The following MAST4 variants were observed in gnomAD, a reference collection of about 807,000 sequenced individuals.
MAST4 encodes the protein microtubule-associated serine/threonine-protein kinase 4.
In MAST4, 89 loss-of-function variants were observed where a neutral mutation model predicts 162.7. The ratio of observed to expected loss-of-function variants is 0.55; its 90% CI spans 0.46 to 0.65. The LOEUF (loss-of-function observed/expected upper bound fraction) is 0.65, where lower values mean the gene tolerates loss of function less well. MAST4 is among the 30% of genes least tolerant of loss of function. MAST4 has a pLI of 0.00. For missense variants in MAST4, 3,153 were observed against 3,374.0 expected (o/e 0.93, Z 1.62); for synonymous variants, 1,479 against 1,361.1 (o/e 1.09, Z -1.91).
chr5:66,691,465 C>T (rs1749034557), intron 1 of MAST4, among the ~76,000 whole-genome samples: 1 of 152,108 alleles, frequency 6.6e-6, no homozygotes, highest in Admixed American at 6.5e-5. Context: ...AAAACGGCTA[C>T]ATAAAAAATG....
intron 3 of MAST4, among the ~76,000 whole-genome samples, chr5:66,887,051 T>A (rs898841895): frequency 6.6e-6 from 1 of 152,056 alleles, no homozygotes; most frequent in Admixed American, 6.5e-5. Context: ...ATGCTTTTTT[T>A]AAAAACAAAA....
At chr5:66,870,065 T>C (rs763930787) in intron 3 of MAST4, among the ~76,000 whole-genome samples, 1 of 152,198 alleles carries the variant, frequency 6.6e-6, no homozygotes, top group Non-Finnish European at 1.5e-5. Flanking sequence ...GAATGAATAA[T>C]AGGAAGGTGT....
chr5:66,901,482 G>A (rs1763008318), intron 4 of MAST4, among the ~76,000 whole-genome samples: 1 of 152,028 alleles, frequency 6.6e-6, no homozygotes, highest in Non-Finnish European at 1.5e-5. Context: ...TATGTGATAA[G>A]GAAAGTATTT....
intron 1 of MAST4, among the ~76,000 whole-genome samples, chr5:66,618,032 A>AGG (rs200289959): frequency 1.4e-5 from 2 of 145,578 alleles, no homozygotes; most frequent in African/African-American, 2.5e-5. Flanking sequence ...TCTGGGAGGA[A>AGG]TGGGGGGGGG....
chr5:66,766,363 G>T (rs1436173067), intron 2 of MAST4, among the ~76,000 whole-genome samples: 1 of 152,110 alleles, frequency 6.6e-6, no homozygotes, highest in Non-Finnish European at 1.5e-5. Context: ...ATAATAATAA[G>T]AAATCAGCTT....
intron 1 of MAST4, among the ~76,000 whole-genome samples, chr5:66,697,823 A>G (rs1201658356): frequency 1.3e-5 from 2 of 152,226 alleles, no homozygotes; most frequent in East Asian, 3.8e-4. Context: ...GTAAATATCA[A>G]CAGATATAAT....
intron 3 of MAST4, among the ~76,000 whole-genome samples, chr5:66,850,109 A>T (rs1759195034): frequency 6.6e-6 from 1 of 152,182 alleles, no homozygotes; most frequent in Non-Finnish European, 1.5e-5. Context: ...TTGCCTCTGT[A>T]ACTCCTCCAG....
intron 1 of MAST4, among the ~76,000 whole-genome samples, chr5:66,730,929 A>G (rs993398363): frequency 1.3e-5 from 2 of 152,164 alleles, no homozygotes; most frequent in African/African-American, 4.8e-5. Context: ...TGAGACTAGA[A>G]TGGGGGAGTT....
chr5:66,998,776 A>C (rs1750949341), intron 4 of MAST4, among the ~76,000 whole-genome samples: 1 of 152,186 alleles, frequency 6.6e-6, no homozygotes, highest in Non-Finnish European at 1.5e-5. Context: ...CCTGCCCTCA[A>C]GGAGCTCTTA....
intron 1 of MAST4, among the ~76,000 whole-genome samples, chr5:66,721,795 C>T (rs986751228): frequency 6.6e-6 from 1 of 151,626 alleles, no homozygotes; most frequent in South Asian, 2.1e-4. Context: ...CCCACCAGTC[C>T]TGTTCTGCTG....
chr5:67,133,372 T>C (rs1302827168), intron 16 of MAST4, 142 bp from the exon 17 acceptor site: 1 of 857,296 alleles, frequency 1.2e-6, no homozygotes, highest in African/African-American at 1.7e-5. Context: ...TGTGACTCCA[T>C]CTCTTTCCAG....
chr5:66,891,712 C>T (rs1277636721), intron 3 of MAST4, among the ~76,000 whole-genome samples: 1 of 152,166 alleles, frequency 6.6e-6, no homozygotes, highest in African/African-American at 2.4e-5. Context: ...CTGGAATTCC[C>T]CTTTCTCACC....
intron 3 of MAST4, among the ~76,000 whole-genome samples, chr5:66,878,657 C>CT (rs1229423568): frequency 6.6e-6 from 1 of 152,184 alleles, no homozygotes; most frequent in Non-Finnish European, 1.5e-5. Flanking sequence ...ACTATACCTT[C>CT]TTTTTTTCTC....
chr5:66,638,448 T>A (rs1017393303), intron 1 of MAST4, among the ~76,000 whole-genome samples: 2 of 152,164 alleles, frequency 1.3e-5, no homozygotes, highest in Non-Finnish European at 2.9e-5. Flanking sequence ...AAGTATCCCT[T>A]ATCTGAAATT....
At chr5:66,935,636 A>G (rs550284285) in intron 4 of MAST4, among the ~76,000 whole-genome samples, 1 of 151,068 alleles carries the variant, frequency 6.6e-6, no homozygotes, top group Non-Finnish European at 1.5e-5. Flanking sequence ...CAGTTGTCAG[A>G]TGCTTCTCCA....
chr5:66,687,584 A>G (rs973994392), intron 1 of MAST4, among the ~76,000 whole-genome samples: 3 of 151,670 alleles, frequency 2.0e-5, no homozygotes, highest in African/African-American at 4.8e-5. Context: ...GTATATGTGT[A>G]TATATATACA....
chr5:66,825,054 T>C (rs1430699789), intron 3 of MAST4, among the ~76,000 whole-genome samples: 2 of 152,142 alleles, frequency 1.3e-5, no homozygotes, highest in African/African-American at 4.8e-5. Flanking sequence ...ACAATATTTT[T>C]CTTTATTCAG....
intron 1 of MAST4, among the ~76,000 whole-genome samples, chr5:66,633,384 G>A (rs4272083): frequency 0.67 from 101,255 of 152,070 alleles, 34,748 homozygotes; most frequent in East Asian, 0.88. Flanking sequence ...AACATCGGGT[G>A]TGTTACAGGG....
At chr5:66,686,958 T>C (rs60386104) in intron 1 of MAST4, among the ~76,000 whole-genome samples, 31,038 of 152,012 alleles carry the variant, frequency 0.2, 3,624 homozygotes, top group East Asian at 0.32. Context: ...TTTTCAACTT[T>C]TGTCATTTGT....
Sources: gnomAD v4.1 joint callset for allele counts (sites outside exome capture counted in the v4.1 genomes callset) on GRCh38, gnomAD v4.1.1 for gene constraint, MANE v1.5 for transcripts, NCBI Gene and HGNC (gene_info 2026-07-23, HGNC 2026-07-21) for gene names.